The following ERAP1 variants were observed in gnomAD, a reference collection of about 807,000 sequenced individuals.
ERAP1 encodes adipocyte-derived leucine aminopeptidase.
In ERAP1, 86 loss-of-function variants were observed where a neutral mutation model predicts 103.7. The observed-to-expected ratio is 0.83, with a 90% CI of 0.70 to 0.99. The LOEUF (loss-of-function observed/expected upper bound fraction) is 0.99, where lower values mean the gene tolerates loss of function less well. ERAP1 is among the 50% of genes least tolerant of loss of function. The pLI, the probability that ERAP1 is intolerant of heterozygous loss-of-function variation, is 0.00. For missense variants in ERAP1, 1,009 were observed against 1,128.4 expected, an observed-to-expected ratio of 0.89 and a Z score of 1.52; for synonymous variants, 398 against 402.4, an observed-to-expected ratio of 0.99 and a Z score of 0.13.
Position 96,807,893 on chromosome 5 carries a change from G to GCCGCCACCA in ERAP1, c.-60_-52dup. On this transcript the variant is annotated 5_prime_UTR_variant, in exon 1 of 19. Coordinates refer to ENST00000443439, the MANE Select transcript of ERAP1 (RefSeq NM_001040458.3). ...CTGGGGCCGCCCTCACCCTTGCGCC[G>GCCGCCACCA]CCGCCACCACCACTGCCGCCGGCCT... The GCCGCCACCA allele has an allele frequency of 1.0e-6, 1 of 986,404 alleles. No individual in the cohort carries two copies. Among genetic ancestry groups the GCCGCCACCA allele is most frequent in the Non-Finnish European group, 1.2e-6 (1 of 830,648 alleles). 61.1% of individuals were successfully genotyped at this position (986,404 alleles called of 1,614,324 possible). A position where few individuals can be genotyped will look rare whatever the true frequency, so the allele number is the denominator to read the frequency against.
At chr5:96,829,814 C>T in the ERAP1 span, among the ~76,000 whole-genome samples, 11 of 152,116 alleles carry the variant, frequency 7.2e-5, no homozygotes, top group African/African-American at 2.7e-4. Flanking sequence ...AAGTAAATAT[C>T]TCTCATCAAT....
At chr5:96,796,934 G>A (rs1225040514) in intron 4 of ERAP1, among the ~76,000 whole-genome samples, 1 of 152,136 alleles carries the variant, frequency 6.6e-6, no homozygotes, top group Non-Finnish European at 1.5e-5. Context: ...CAGGCACAAG[G>A]AACCATGCCT....
chr5:96,922,982 TTTTTTG>T, the ERAP1 span, among the ~76,000 whole-genome samples: 14 of 151,898 alleles, frequency 9.2e-5, no homozygotes, highest in South Asian at 4.2e-4. Flanking sequence ...TTGTTTTTTG[TTTTTTG>T]TTTTTTTTGA....
intron 19 of ERAP1, chr5:96,765,281 C>T: frequency 6.3e-7 from 1 of 1,582,034 alleles, no homozygotes; most frequent in Non-Finnish European, 8.6e-7. Flanking sequence ...AGGACAAAGG[C>T]AGCCTGACCC....
At chr5:96,862,699 G>A in the ERAP1 span, among the ~76,000 whole-genome samples, 1 of 152,114 alleles carries the variant, frequency 6.6e-6, no homozygotes, top group African/African-American at 2.4e-5. Flanking sequence ...ATCTTTTCTT[G>A]ATGGCAACAG....
At position 96,781,060 on chromosome 5, in the gene ERAP1, T is replaced by C; in HGVS notation, c.2586A>G (p.Gln862=). 6.2e-7 allele frequency: 1 copy of C among 1,614,126 alleles called. No individual in the cohort carries two copies. Among genetic ancestry groups the C allele is most frequent in the South Asian group, 1.1e-5 (1 of 91,078 alleles). Residue 862 remains glutamine (Q), a splice_region_variant and synonymous_variant, in exon 17 of 19, where the codon CAA becomes CAG. Transcript: ENST00000443439. The part of the protein sequence containing the change: ...FLRKNWNKLV[Q]KFELGSSSIA... ...GCACAATTTTTGGCACCACTTACTT[T>C]TGTACAAGTTTGTTCCAGTTTTTCC...
At position 96,776,211 on chromosome 5, in the gene ERAP1, A is replaced by AC. The variant is rs1023215950; in HGVS notation, c.*184dup. The AC allele has an allele frequency of 9.2e-7, 1 of 1,091,844 alleles. No homozygotes were observed. The highest frequency in any genetic ancestry group is 1.5e-5 in the African/African-American group (1 of 64,738). The allele number at this position is 1,091,844 out of a possible 1,614,324, so 67.6% of individuals were successfully genotyped here. The stretch of plus-strand genomic sequence containing the variant: ...GGGCAACACCTGTGATGAACAAAAC[A>AC]CATGGTAGCGATAGCCCATTCATGA... On this transcript the variant is annotated 3_prime_UTR_variant, in exon 19 of 19. Transcript: ENST00000443439.
chr5:96,886,920 T>G, the ERAP1 span: 1,106 of 891,594 alleles, frequency 1.2e-3, 25 homozygotes, highest in Admixed American at 0.034. Flanking sequence ...GATAAAAAAC[T>G]AAGTTAAAAA....
the ERAP1 span, among the ~76,000 whole-genome samples, chr5:96,877,289 G>A: frequency 2.0e-5 from 3 of 152,090 alleles, no homozygotes; most frequent in Non-Finnish European, 4.4e-5. Flanking sequence ...TTCTTTATCT[G>A]AACACTAAGG....
At chr5:96,934,891 G>C in the ERAP1 span, 1 of 153,130 alleles carries the variant, frequency 6.5e-6, no homozygotes, top group East Asian at 1.9e-4. Context: ...TGGCGCGCTG[G>C]GAGGGCGGCG....
In ERAP1 at chr5:96,776,163, C is replaced by CCAA; in HGVS notation, c.*230_*232dup. 6.7e-7 allele frequency: 1 copy of CCAA among 1,499,912 alleles called. No individual in the cohort carries two copies. Among genetic ancestry groups the CCAA allele is most frequent in the South Asian group, 1.2e-5 (1 of 82,180 alleles). The allele number at this position is 1,499,912 out of a possible 1,614,324, so 92.9% of individuals were successfully genotyped here. On this transcript the variant is annotated 3_prime_UTR_variant, in exon 19 of 19. Transcript: ENST00000443439. The stretch of plus-strand genomic sequence containing the variant: ...ACTTTATTCTTCTGTGGCAGGGAAC[C>CCAA]CAACACTTGGGTTTACGTTGCAGGG...
chr5:96,917,407 C>T, the ERAP1 span: 2 of 1,538,888 alleles, frequency 1.3e-6, no homozygotes, highest in East Asian at 2.4e-5. Flanking sequence ...AGGTGTGAAC[C>T]ACCACACTCG....
At chr5:96,886,674 A>C in the ERAP1 span, 1 of 1,542,670 alleles carries the variant, frequency 6.5e-7, no homozygotes, top group Non-Finnish European at 8.8e-7. Flanking sequence ...ATTGAACTTG[A>C]AGGAGGTCTT....
At chr5:96,780,201 G>A (rs1448894611) in intron 18 of ERAP1, among the ~76,000 whole-genome samples, 2 of 152,084 alleles carry the variant, frequency 1.3e-5, no homozygotes, top group Non-Finnish European at 2.9e-5. Flanking sequence ...GTTTTTACTG[G>A]CAGAGCTAAG....
At chr5:96,856,377 G>GAA in the ERAP1 span, among the ~76,000 whole-genome samples, 1 of 100,056 alleles carries the variant, frequency 1.0e-5, no homozygotes, top group South Asian at 3.9e-4. Context: ...GAGAGAGAGA[G>GAA]AGAGAGAGAG....
the ERAP1 span, among the ~76,000 whole-genome samples, chr5:96,893,939 A>G: frequency 6.6e-6 from 1 of 152,178 alleles, no homozygotes; most frequent in African/African-American, 2.4e-5. Flanking sequence ...CTACTACCTG[A>G]TATTCAGCAT....
the ERAP1 span, chr5:96,918,638 A>T: frequency 3.3e-5 from 5 of 152,244 alleles, no homozygotes; most frequent in African/African-American, 1.2e-4. Flanking sequence ...TTTAAGCCTT[A>T]CATTCATGAA....
rs764112283 is a variant in ERAP1 at position 96,790,404 on chromosome 5, A to G, written c.1453-37T>C. The G allele has an allele frequency of 4.3e-6, 7 of 1,610,714 alleles. No homozygotes were observed. In the South Asian group the frequency reaches 6.6e-5, roughly 15 times the overall value. On this transcript the variant is annotated intron_variant, in intron 9 of 18. Transcript: ENST00000443439. ...AAATAAACACATCACTCTTATTTCTATAGAAAACAATGATTCTCCTCAGAG... is the reference window on the plus strand; with the variant it reads ...AAATAAACACATCACTCTTATTTCTGTAGAAAACAATGATTCTCCTCAGAG...
the ERAP1 span, chr5:96,848,824 C>T: frequency 7.4e-6 from 1 of 134,542 alleles, no homozygotes; most frequent in African/African-American, 2.9e-5. Flanking sequence ...GACAAGGACA[C>T]TGCAAGAAAA....
Sources: gnomAD v4.1 joint callset for allele counts (sites outside exome capture counted in the v4.1 genomes callset) on GRCh38, gnomAD v4.1.1 for gene constraint, MANE v1.5 for transcripts, NCBI Gene and HGNC (gene_info 2026-07-23, HGNC 2026-07-21) for gene names.